RBFOX1: variants seen among roughly 807,000 people sequenced by gnomAD.
RBFOX1 encodes the protein RNA binding fox-1 homolog 1, also known as RNA binding protein fox-1 homolog 1.
In RBFOX1, 8 loss-of-function variants were observed where a neutral mutation model predicts 57.7. That is an observed-to-expected ratio of 0.14 (90% CI 0.08 to 0.25). RBFOX1 has a LOEUF of 0.25. Among genes scored for constraint, RBFOX1 ranks in the 10% least tolerant of loss-of-function variants. The probability of loss-of-function intolerance (pLI) is 1.00; values close to 1 mark genes in which losing one functional copy is unlikely to be tolerated. For synonymous variants in RBFOX1, 326 were observed against 222.4 expected (o/e 1.47, Z -4.15); for missense variants, 611 against 548.5 (o/e 1.11, Z -1.14).
chr16:7,042,078 T>A (rs1458339355), intron 3 of RBFOX1, among the ~76,000 whole-genome samples: 1 of 152,200 alleles, frequency 6.6e-6, no homozygotes, highest in East Asian at 1.9e-4. Flanking sequence ...TGCTTTGATA[T>A]CAGAGAAATC....
chr16:6,625,079 C>G (rs1253524342), intron 2 of RBFOX1, among the ~76,000 whole-genome samples: 1 of 140,976 alleles, frequency 7.1e-6, no homozygotes, highest in Non-Finnish European at 1.5e-5. Context: ...GCTAGAGAAT[C>G]TCTTTAACCT....
chr16:6,654,458 G>C (rs2098631182), intron 2 of RBFOX1, 145 bp from the exon 3 acceptor site: 4 of 628,966 alleles, frequency 6.4e-6, no homozygotes, highest in South Asian at 4.6e-5. Flanking sequence ...GCACTATAAA[G>C]AGCAATGACT....
intron 2 of RBFOX1, among the ~76,000 whole-genome samples, chr16:5,577,157 C>T (rs1189175946): frequency 6.6e-6 from 1 of 152,208 alleles, no homozygotes; most frequent in Non-Finnish European, 1.5e-5. Flanking sequence ...ATGTCTTTAT[C>T]AAATCACACA....
intron 3 of RBFOX1, among the ~76,000 whole-genome samples, chr16:6,777,910 T>C (rs2079652925): frequency 6.6e-6 from 1 of 152,164 alleles, no homozygotes; most frequent in Admixed American, 6.5e-5. Flanking sequence ...GAAATGACTT[T>C]TTCTGAGCTT....
At chr16:5,580,285 A>G (rs1419336575) in intron 2 of RBFOX1, among the ~76,000 whole-genome samples, 1 of 152,136 alleles carries the variant, frequency 6.6e-6, no homozygotes, top group Non-Finnish European at 1.5e-5. Flanking sequence ...GCGCCGGCTG[A>G]TTGGATTCCA....
chr16:6,708,296 ACACACACACT>A (rs2154148636), intron 3 of RBFOX1, among the ~76,000 whole-genome samples: 1 of 143,264 alleles, frequency 7.0e-6, no homozygotes, highest in African/African-American at 2.4e-5. Flanking sequence ...GAACACACAC[ACACACACACT>A]CACACTCATT....
chr16:6,894,963 C>T (rs531603129), intron 3 of RBFOX1, among the ~76,000 whole-genome samples: 1 of 152,128 alleles, frequency 6.6e-6, no homozygotes, highest in Non-Finnish European at 1.5e-5. Context: ...TTGCAACATA[C>T]ACCCTTCCAG....
intron 1 of RBFOX1, among the ~76,000 whole-genome samples, chr16:5,456,644 A>T (rs74353728): frequency 0.019 from 2,927 of 152,266 alleles, 51 homozygotes; most frequent in Admixed American, 0.044. Flanking sequence ...CAGTGTATGA[A>T]ATATTTCTTG....
intron 2 of RBFOX1, among the ~76,000 whole-genome samples, chr16:6,376,146 A>T (rs555133018): frequency 1.3e-5 from 2 of 152,124 alleles, no homozygotes; most frequent in Non-Finnish European, 1.5e-5. Context: ...TGGAAATTTC[A>T]TATCAATATC....
chr16:6,788,307 C>T (rs934445384), intron 3 of RBFOX1, among the ~76,000 whole-genome samples: 1 of 152,120 alleles, frequency 6.6e-6, no homozygotes, highest in African/African-American at 2.4e-5. Flanking sequence ...TTCCAAAATT[C>T]CCCAGCATCT....
At chr16:6,492,710 A>G (rs1298826018) in intron 2 of RBFOX1, among the ~76,000 whole-genome samples, 1 of 152,238 alleles carries the variant, frequency 6.6e-6, no homozygotes, top group Non-Finnish European at 1.5e-5. Context: ...TCAGAAGGAA[A>G]CTGGAGCGGA....
At position 7,055,057 on chromosome 16, in the gene RBFOX1, C is replaced by G. The variant is rs570612902; in HGVS notation, c.27+2959C>G. 5.3e-5 allele frequency among the ~76,000 whole-genome samples: 8 copies of G among 152,062 alleles called. 1 individual carries two copies. Among genetic ancestry groups the G allele is most frequent in the Non-Finnish European group, 1.0e-4 (7 of 68,032 alleles). ...TTTCCAAAACAGACACTGTGAAGTG[C>G]TTAATATCTTGAAGATATTAAGGAG... On this transcript the variant is annotated intron_variant, in intron 4 of 15. Transcript: ENST00000550418.
intron 4 of RBFOX1, among the ~76,000 whole-genome samples, chr16:7,379,539 C>G (rs903132130): frequency 1.3e-5 from 2 of 152,172 alleles, no homozygotes; most frequent in African/African-American, 4.8e-5. Context: ...TTAGTACTTT[C>G]TGCTGTCCAG....
chr16:5,407,336 C>T (rs1206149569), intron 1 of RBFOX1, among the ~76,000 whole-genome samples: 1 of 151,992 alleles, frequency 6.6e-6, no homozygotes, highest in African/African-American at 2.4e-5. Flanking sequence ...CTAACTATAT[C>T]AAGTGACATC....
chr16:6,361,903 T>G (rs994437175), intron 2 of RBFOX1, among the ~76,000 whole-genome samples: 5 of 151,778 alleles, frequency 3.3e-5, no homozygotes, highest in African/African-American at 1.2e-4. Context: ...GCCGTTTTTG[T>G]TTTTTTTCAC....
intron 1 of RBFOX1, among the ~76,000 whole-genome samples, chr16:5,454,893 TCTTTC>T (rs2068553605): frequency 8.2e-6 from 1 of 122,056 alleles, no homozygotes; most frequent in Non-Finnish European, 1.8e-5. Flanking sequence ...TTTCTTTCTT[TCTTTC>T]TTTCTTTCTT....
At chr16:6,253,675 A>ATGTGTGTGTGTG (rs377653141) in intron 1 of RBFOX1, among the ~76,000 whole-genome samples, 2 of 145,002 alleles carry the variant, frequency 1.4e-5, no homozygotes, top group Admixed American at 7.0e-5. Context: ...GTGTGTGTGC[A>ATGTGTGTGTGTG]TGTGTGTGTG....
At chr16:6,292,141 T>G (rs969676068) in intron 1 of RBFOX1, among the ~76,000 whole-genome samples, 2 of 152,162 alleles carry the variant, frequency 1.3e-5, no homozygotes, top group East Asian at 3.9e-4. Context: ...GCAGCTGAAG[T>G]CCTAGCTACT....
chr16:5,860,168 C>T (rs1022400931), intron 3 of RBFOX1, among the ~76,000 whole-genome samples: 3 of 152,118 alleles, frequency 2.0e-5, no homozygotes, highest in South Asian at 2.1e-4. Context: ...CTGCAACCTC[C>T]GCCTCCTGGA....
Sources: allele counts gnomAD v4.1 joint callset (sites outside exome capture counted in the v4.1 genomes callset), GRCh38; gene constraint gnomAD v4.1.1; transcripts MANE v1.5; gene names NCBI Gene and HGNC (gene_info 2026-07-23, HGNC 2026-07-21).